Variants in CACNA1E observed in about 807,000 individuals in gnomAD.
The protein encoded by CACNA1E is calcium voltage-gated channel subunit alpha1 E, also known as voltage-dependent R-type calcium channel subunit alpha-1E.
CACNA1E carries 40 observed loss-of-function variants against 259.2 expected under a neutral mutation model. The ratio of observed to expected loss-of-function variants is 0.15; its 90% confidence interval spans 0.12 to 0.20. CACNA1E has a LOEUF of 0.20. CACNA1E is among the 10% of genes least tolerant of loss of function. The pLI is 1.00. For missense variants in CACNA1E, 1,874 were observed against 3,040.1 expected, an observed-to-expected ratio of 0.62 and a Z score of 9.02; for synonymous variants, 1,104 against 1,138.5, an observed-to-expected ratio of 0.97 and a Z score of 0.61.
At chr1:181,491,451 G>A (rs1342548525) in intron 1 of CACNA1E, among the ~76,000 whole-genome samples, 1 of 152,196 alleles carries the variant, frequency 6.6e-6, no homozygotes, top group Non-Finnish European at 1.5e-5. Context: ...TATTCATGCT[G>A]CTGGTCTTGG....
At chr1:181,425,175 G>A (rs1261091568) in intron 2 of CACNA1E, among the ~76,000 whole-genome samples, 1 of 152,204 alleles carries the variant, frequency 6.6e-6, no homozygotes, top group East Asian at 1.9e-4. Context: ...GCTTTCCGCT[G>A]TGTAGCTGGA....
chr1:181,738,298 A>G (rs1202396895), intron 23 of CACNA1E, 69 bp from the exon 24 acceptor site: 1 of 1,253,736 alleles, frequency 8.0e-7, no homozygotes, highest in African/African-American at 1.5e-5. Flanking sequence ...GTGTCCTGGC[A>G]GGTGGGAGCT....
At chr1:181,362,235 T>C (rs1653933137) in intron 1 of CACNA1E, among the ~76,000 whole-genome samples, 1 of 152,208 alleles carries the variant, frequency 6.6e-6, no homozygotes, top group Non-Finnish European at 1.5e-5. Flanking sequence ...AGCACACAGC[T>C]CTGTGTCTGT....
intron 7 of CACNA1E, among the ~76,000 whole-genome samples, chr1:181,698,728 T>G (rs1348323618): frequency 6.6e-6 from 1 of 152,122 alleles, no homozygotes; most frequent in African/African-American, 2.4e-5. Context: ...CACCAGCTTT[T>G]GTTTCATTTA....
intron 3 of CACNA1E, among the ~76,000 whole-genome samples, chr1:181,515,073 TC>T (rs1191544096): frequency 1.3e-5 from 2 of 151,916 alleles, no homozygotes; most frequent in Non-Finnish European, 2.9e-5. Context: ...CACTGACTTT[TC>T]CCCATACTGG....
intron 7 of CACNA1E, chr1:181,651,895 A>G (rs1407282252): frequency 1.9e-5 from 3 of 154,280 alleles, no homozygotes; most frequent in Non-Finnish European, 2.9e-5. Flanking sequence ...TTTGGGGTCC[A>G]ATACCATGGT....
chr1:181,596,583 T>C (rs1203263085), intron 6 of CACNA1E, among the ~76,000 whole-genome samples: 1 of 151,718 alleles, frequency 6.6e-6, no homozygotes, highest in Non-Finnish European at 1.5e-5. Flanking sequence ...TGTGTGTGTG[T>C]GTGTGTGTGT....
chr1:181,633,878 A>C (rs530254906), intron 6 of CACNA1E, among the ~76,000 whole-genome samples: 2 of 152,366 alleles, frequency 1.3e-5, no homozygotes, highest in Admixed American at 6.5e-5. Flanking sequence ...AAACTAAAGC[A>C]TGGAGAGGTT....
rs540012833 is a variant in CACNA1E, at chr1:181,798,780, G to A, written c.6888G>A (p.Met2296Ile). The part of the protein sequence containing the change: ...RRRGGPGPGM[M>I]CGAVNNLLSD... ...GCGGGGGGCCTGGGCCAGGCATGAT[G>A]TGTGGGGCTGTCAACAACCTGCTAA... is the stretch of plus-strand genomic sequence containing the variant. Residue 2296 changes from methionine (M) to isoleucine (I), a missense_variant, in exon 48 of 48, where the codon ATG becomes ATA. Physicochemically the swap from Met to Ile is conservative, Grantham distance 10 (BLOSUM62 1). Transcript: ENST00000367573. This position sits in a 1 kb window ranked among gnomAD's most constrained non-coding sequence, Gnocchi z 4.2. The A allele has an allele frequency of 5.1e-6, 8 of 1,568,736 alleles. No homozygotes were observed. The South Asian group carries it at 9.3e-5, about 18-fold the overall frequency.
At chr1:181,325,977 G>A (rs58789707) in intron 1 of CACNA1E, among the ~76,000 whole-genome samples, 3,585 of 152,198 alleles carry the variant, frequency 0.024, 174 homozygotes, top group African/African-American at 0.082. Context: ...CTTGCACTCC[G>A]CGTGCACTGG....
intron 2 of CACNA1E, among the ~76,000 whole-genome samples, chr1:181,476,874 G>A (rs938908899): frequency 5.9e-5 from 9 of 152,122 alleles, no homozygotes; most frequent in Non-Finnish European, 1.2e-4. Context: ...AGCAAGGTTG[G>A]GCCCTGAGGG....
intron 3 of CACNA1E, among the ~76,000 whole-genome samples, chr1:181,574,822 C>T (rs1399309191): frequency 3.3e-5 from 5 of 152,000 alleles, no homozygotes; most frequent in Admixed American, 2.0e-4. Flanking sequence ...GTCAGGAGTT[C>T]GAGACCAGCC....
At chr1:181,505,818 A>G (rs937537329) in intron 1 of CACNA1E, among the ~76,000 whole-genome samples, 1 of 152,016 alleles carries the variant, frequency 6.6e-6, no homozygotes, top group African/African-American at 2.4e-5. Context: ...ACCTTTTGTA[A>G]GGATACCTCT....
chr1:181,679,707 G>A (rs1649741357), intron 7 of CACNA1E, among the ~76,000 whole-genome samples: 1 of 152,166 alleles, frequency 6.6e-6, no homozygotes, highest in Non-Finnish European at 1.5e-5. Flanking sequence ...GTCAGTGGCT[G>A]GGCTAACAGC....
chr1:181,771,555 A>G (rs1403852203), intron 36 of CACNA1E, 171 bp downstream of exon 36: 3 of 590,780 alleles, frequency 5.1e-6, no homozygotes. Context: ...AACATTAGAC[A>G]GTTTTGTCTT....
intron 3 of CACNA1E, among the ~76,000 whole-genome samples, chr1:181,539,032 T>C (rs1476773442): frequency 6.6e-6 from 1 of 152,206 alleles, no homozygotes; most frequent in East Asian, 1.9e-4. Flanking sequence ...ACTGGACTAC[T>C]TGTGGTTCCT....
chr1:181,404,124 G>T (rs765355317), intron 1 of CACNA1E, among the ~76,000 whole-genome samples: 2 of 152,192 alleles, frequency 1.3e-5, no homozygotes, highest in Non-Finnish European at 2.9e-5. Flanking sequence ...ACCTTGACTG[G>T]ATTAGTCTAA....
intron 6 of CACNA1E, among the ~76,000 whole-genome samples, chr1:181,635,146 G>T (rs1240150210): frequency 1.3e-5 from 2 of 152,166 alleles, no homozygotes; most frequent in Non-Finnish European, 2.9e-5. Context: ...CCCTACTGGG[G>T]CCAGAGCCCA....
intron 1 of CACNA1E, among the ~76,000 whole-genome samples, chr1:181,381,453 T>G (rs1478310528): frequency 6.6e-6 from 1 of 152,102 alleles, no homozygotes; most frequent in African/African-American, 2.4e-5. Flanking sequence ...GAAATTCACA[T>G]TAATATATAG....
Sources: allele counts gnomAD v4.1 joint callset (sites outside exome capture counted in the v4.1 genomes callset), GRCh38; gene constraint gnomAD v4.1.1; non-coding constraint Gnocchi (gnomAD v3.1); transcripts MANE v1.5; gene names NCBI Gene and HGNC (gene_info 2026-07-23, HGNC 2026-07-21).